The following SLC44A5 variants were observed in gnomAD, a reference collection of about 807,000 sequenced individuals.
SLC44A5 encodes the protein solute carrier family 44 member 5, also known as choline transporter-like protein 5.
A neutral mutation model predicts 101.8 loss-of-function variants in SLC44A5; 57 were observed. The ratio of observed to expected loss-of-function variants is 0.56; its 90% CI spans 0.45 to 0.70. SLC44A5 has a LOEUF of 0.70. SLC44A5 is among the 30% of genes least tolerant of loss of function. SLC44A5 has a pLI of 0.00. For missense variants in SLC44A5, 737 were observed against 853.1 expected, an observed-to-expected ratio of 0.86 and a Z score of 1.70; for synonymous variants, 281 against 290.9, an observed-to-expected ratio of 0.97 and a Z score of 0.35.
At chr1:75,640,587 TTCTC>T in the SLC44A5 span, among the ~76,000 whole-genome samples, 7 of 151,178 alleles carry the variant, frequency 4.6e-5, no homozygotes, top group African/African-American at 1.5e-4. Flanking sequence ...CTACCTCTCA[TTCTC>T]TCTCTCTCTC....
At chr1:75,596,152 G>A (rs1455132939) in intron 1 of SLC44A5, among the ~76,000 whole-genome samples, 1 of 151,742 alleles carries the variant, frequency 6.6e-6, no homozygotes, top group Non-Finnish European at 1.5e-5. Context: ...AGGCTCAGAT[G>A]ATACTGAGTT....
At chr1:75,506,251 T>C (rs1317797480) in intron 2 of SLC44A5, among the ~76,000 whole-genome samples, 3 of 152,168 alleles carry the variant, frequency 2.0e-5, no homozygotes, top group Non-Finnish European at 4.4e-5. Context: ...TTGGTTACTG[T>C]AGATTTATAA....
chr1:75,664,632 C>T, the SLC44A5 span, among the ~76,000 whole-genome samples: 9 of 151,952 alleles, frequency 5.9e-5, no homozygotes, highest in Admixed American at 1.3e-4. Flanking sequence ...ATAAAGAGAA[C>T]TACAAAACAC....
At chr1:75,606,563 C>T (rs1030720734) in intron 1 of SLC44A5, among the ~76,000 whole-genome samples, 1 of 152,016 alleles carries the variant, frequency 6.6e-6, no homozygotes, top group African/African-American at 2.4e-5. Context: ...CATTTCTTTG[C>T]TCCCTTTAAA....
chr1:75,545,956 T>C (rs1045993554), intron 1 of SLC44A5, among the ~76,000 whole-genome samples: 1 of 151,880 alleles, frequency 6.6e-6, no homozygotes, highest in African/African-American at 2.4e-5. Context: ...ACCTCCCAAG[T>C]AGCTGGGATG....
chr1:75,657,947 C>A, the SLC44A5 span, among the ~76,000 whole-genome samples: 1 of 150,488 alleles, frequency 6.6e-6, no homozygotes, highest in Non-Finnish European at 1.5e-5. Flanking sequence ...CAGTCTAGAT[C>A]AAATGAACTC....
intron 2 of SLC44A5, among the ~76,000 whole-genome samples, chr1:75,519,969 G>A (rs1180891379): frequency 6.6e-6 from 1 of 152,220 alleles, no homozygotes; most frequent in Non-Finnish European, 1.5e-5. Flanking sequence ...GAGAAAAGTG[G>A]TCGGGACTGA....
the SLC44A5 span, among the ~76,000 whole-genome samples, chr1:75,702,109 TC>T: frequency 3.3e-5 from 5 of 151,920 alleles, no homozygotes; most frequent in Non-Finnish European, 7.4e-5. Flanking sequence ...TTCAATGCCA[TC>T]CCCAACAAGC....
intron 4 of SLC44A5, among the ~76,000 whole-genome samples, chr1:75,334,633 AG>A (rs1037253179): frequency 2.0e-5 from 3 of 152,210 alleles, no homozygotes; most frequent in African/African-American, 7.2e-5. Context: ...AAGGGTATAA[AG>A]GGCAAAGGAG....
the SLC44A5 span, among the ~76,000 whole-genome samples, chr1:75,647,529 G>C: frequency 6.6e-6 from 1 of 152,112 alleles, no homozygotes; most frequent in African/African-American, 2.4e-5. Flanking sequence ...AGCTTGCACC[G>C]TGCACCTGGA....
chr1:75,365,071 G>C (rs998849757), intron 3 of SLC44A5, among the ~76,000 whole-genome samples: 2 of 152,126 alleles, frequency 1.3e-5, no homozygotes, highest in East Asian at 3.8e-4. Flanking sequence ...TTTTATGAAG[G>C]TTATGTGGTT....
intron 1 of SLC44A5, among the ~76,000 whole-genome samples, chr1:75,578,658 T>G (rs1673511080): frequency 6.6e-6 from 1 of 152,094 alleles, no homozygotes; most frequent in South Asian, 2.1e-4. Flanking sequence ...GGGGAGATGT[T>G]GGTCAAAGGG....
At chr1:75,496,268 G>T (rs764785319) in intron 2 of SLC44A5, among the ~76,000 whole-genome samples, 2 of 151,908 alleles carry the variant, frequency 1.3e-5, no homozygotes, top group Non-Finnish European at 1.5e-5. Flanking sequence ...ACAGACCAGT[G>T]GAACAGAATA....
At chr1:75,343,814 T>G (rs1658055469) in intron 3 of SLC44A5, among the ~76,000 whole-genome samples, 1 of 152,170 alleles carries the variant, frequency 6.6e-6, no homozygotes. Flanking sequence ...CTTTATAGTA[T>G]GTCTATAAAA....
intron 2 of SLC44A5, among the ~76,000 whole-genome samples, chr1:75,476,246 A>C (rs2101748409): frequency 6.6e-6 from 1 of 152,278 alleles, no homozygotes; most frequent in African/African-American, 2.4e-5. Flanking sequence ...AGCATTTAGA[A>C]TTCTACCTAC....
At position 75,572,887 on chromosome 1, in the gene SLC44A5, C is replaced by T. The variant is rs192103462; in HGVS notation, c.-69-31371G>A. 5.9e-5 allele frequency among the ~76,000 whole-genome samples: 9 copies of T among 151,962 alleles called. No individual in the cohort carries two copies. In the East Asian group the frequency reaches 1.6e-3, roughly 26 times the overall value. The stretch of plus-strand genomic sequence containing the variant: ...CATGTAATACCAGCACTTTGGGAGG[C>T]TAAGGCAGGCAGATCGCCTGAGATC... On this transcript the variant is annotated intron_variant, in intron 1 of 23. Transcript: ENST00000370859.
the SLC44A5 span, among the ~76,000 whole-genome samples, chr1:75,632,297 T>C: frequency 6.6e-6 from 1 of 151,302 alleles, no homozygotes; most frequent in Non-Finnish European, 1.5e-5. Context: ...TCTTATAAAA[T>C]ATTCAATAAA....
At position 75,404,546 on chromosome 1, in the gene SLC44A5, CA is replaced by C. The variant is rs1230832445; in HGVS notation, c.14-7926del. On this transcript the variant is annotated intron_variant, in intron 2 of 23. Coordinates refer to ENST00000370859, the MANE Select transcript of SLC44A5 (RefSeq NM_001130058.2). ...GAAGAGAGTGGGAGCAAATATTCAA[CA>C]TTCTTAAAGAAAAGAATTTTCAACC... 2.2e-4 allele frequency among the ~76,000 whole-genome samples: 33 copies of C among 152,308 alleles called. No homozygotes were observed. In the East Asian group the frequency reaches 6.0e-3, roughly 28 times the overall value.
intron 2 of SLC44A5, among the ~76,000 whole-genome samples, chr1:75,452,625 G>T (rs1243384281): frequency 6.6e-6 from 1 of 152,100 alleles, no homozygotes; most frequent in African/African-American, 2.4e-5. Context: ...AAGTAAACCA[G>T]ACACATCTGT....
Sources: gnomAD v4.1 joint callset for allele counts (sites outside exome capture counted in the v4.1 genomes callset) on GRCh38, gnomAD v4.1.1 for gene constraint, MANE v1.5 for transcripts, NCBI Gene and HGNC (gene_info 2026-07-23, HGNC 2026-07-21) for gene names.